The following DSCAM variants were observed in gnomAD, a reference collection of about 807,000 sequenced individuals.
DSCAM encodes the protein DS cell adhesion molecule.
Under a neutral mutation model 217.7 loss-of-function variants are expected in DSCAM, and 47 were observed. The ratio of observed to expected loss-of-function variants is 0.22; its 90% CI spans 0.17 to 0.28. DSCAM has a LOEUF of 0.28. Ranked by LOEUF, DSCAM falls within the 10% of genes least tolerant of loss-of-function variation. The pLI, the probability that DSCAM is intolerant of heterozygous loss-of-function variation, is 1.00. For missense variants in DSCAM, 2,080 were observed against 2,618.3 expected (o/e 0.79, Z 4.49); for synonymous variants, 1,056 against 1,015.3 (o/e 1.04, Z -0.76).
chr21:40,454,256 T>C (rs1486727233), intron 3 of DSCAM, among the ~76,000 whole-genome samples: 2 of 152,188 alleles, frequency 1.3e-5, no homozygotes, highest in African/African-American at 4.8e-5. Context: ...AATGAAGGTG[T>C]CAGAAACTCA....
At chr21:40,313,245 T>A (rs1052891271) in intron 8 of DSCAM, among the ~76,000 whole-genome samples, 8 of 152,252 alleles carry the variant, frequency 5.3e-5, no homozygotes, top group African/African-American at 1.9e-4. Flanking sequence ...CATCTTTACT[T>A]TGCATCTCTT....
intron 3 of DSCAM, among the ~76,000 whole-genome samples, chr21:40,425,403 G>A (rs1459524389): frequency 1.3e-5 from 2 of 152,028 alleles, no homozygotes; most frequent in Non-Finnish European, 2.9e-5. Context: ...TGCGGTGTTT[G>A]GTTGACGAGT....
chr21:40,774,623 C>A (rs939509018), intron 1 of DSCAM, among the ~76,000 whole-genome samples: 1 of 152,176 alleles, frequency 6.6e-6, no homozygotes, highest in Admixed American at 6.5e-5. Context: ...TAAAATTAAT[C>A]TGAATATGTG....
intron 3 of DSCAM, among the ~76,000 whole-genome samples, chr21:40,560,690 G>C (rs1303813176): frequency 6.6e-6 from 1 of 152,160 alleles, no homozygotes; most frequent in East Asian, 1.9e-4. Flanking sequence ...CCTACAGTTG[G>C]GCAAAATCAC....
intron 10 of DSCAM, among the ~76,000 whole-genome samples, chr21:40,288,118 G>A (rs145329073): frequency 2.8e-4 from 42 of 152,260 alleles, no homozygotes; most frequent in African/African-American, 9.1e-4. Context: ...AGCTACATAA[G>A]GACAAGCTCA....
chr21:40,336,584 C>T (rs372311211), intron 8 of DSCAM, among the ~76,000 whole-genome samples: 2 of 152,258 alleles, frequency 1.3e-5, no homozygotes, highest in East Asian at 3.9e-4. Context: ...GTAAAACATT[C>T]CTTCCAAGGG....
At chr21:40,198,182 C>A (rs1172753240) in intron 11 of DSCAM, among the ~76,000 whole-genome samples, 1 of 152,138 alleles carries the variant, frequency 6.6e-6, no homozygotes, top group Non-Finnish European at 1.5e-5. Context: ...GGACCCAGAG[C>A]AAAATGAAAA....
intron 3 of DSCAM, among the ~76,000 whole-genome samples, chr21:40,670,504 C>CT (rs1240013256): frequency 7.6e-6 from 1 of 130,986 alleles, no homozygotes. Context: ...CGCCATTGCA[C>CT]TCCAGCCTGG....
chr21:40,220,458 C>T (rs2091280329), intron 11 of DSCAM, among the ~76,000 whole-genome samples: 1 of 152,130 alleles, frequency 6.6e-6, no homozygotes, highest in Non-Finnish European at 1.5e-5. Flanking sequence ...TAAGAATAAC[C>T]TTAGCCTGGG....
intron 3 of DSCAM, among the ~76,000 whole-genome samples, chr21:40,398,540 C>T (rs1001774411): frequency 7.2e-5 from 11 of 152,162 alleles, no homozygotes; most frequent in Admixed American, 6.5e-4. Flanking sequence ...ACAGTCCCAA[C>T]ACCCTTGCTC....
chr21:40,044,175 G>A lies in DSCAM; in HGVS notation c.5286C>T (p.His1762=). 1 of 1,614,176 alleles carries A rather than the reference G, an allele frequency of 6.2e-7. No individual in the cohort carries two copies. The highest frequency in any genetic ancestry group is 8.5e-7 in the Non-Finnish European group (1 of 1,180,030). ...LNRPHPTISA[H]TLTTDWRLPT... The stretch of plus-strand genomic sequence containing the variant: ...GCAGCCTCCAGTCTGTGGTGAGGGT[G>A]TGTGCTGAGATGGTGGGGTGGGGTC... Residue 1762 remains histidine, a synonymous_variant, in exon 31 of 33, where the codon CAC becomes CAT. Transcript: ENST00000400454.
intron 32 of DSCAM, among the ~76,000 whole-genome samples, chr21:40,017,698 T>C (rs141048405): frequency 0.017 from 2,591 of 152,094 alleles, 92 homozygotes; most frequent in East Asian, 0.16. Context: ...ATTACAGGCA[T>C]GCACCACCAC....
chr21:40,580,322 C>T (rs1405689399), intron 3 of DSCAM, among the ~76,000 whole-genome samples: 2 of 152,026 alleles, frequency 1.3e-5, no homozygotes, highest in Non-Finnish European at 2.9e-5. Flanking sequence ...CACCTGAGGT[C>T]ATGAGTTGAA....
chr21:40,375,252 C>G (rs2074938513), intron 3 of DSCAM, among the ~76,000 whole-genome samples: 1 of 152,226 alleles, frequency 6.6e-6, no homozygotes, highest in Non-Finnish European at 1.5e-5. Flanking sequence ...TCTGTGTCCA[C>G]TTCTGCTTCC....
chr21:40,689,079 G>T (rs1568986385), intron 3 of DSCAM, among the ~76,000 whole-genome samples: 1 of 152,092 alleles, frequency 6.6e-6, no homozygotes, highest in Non-Finnish European at 1.5e-5. Flanking sequence ...GACAAACACT[G>T]CATTTGTGCT....
chr21:40,097,954 A>AAAAAAAAAAAAG (rs1555877400), intron 20 of DSCAM, among the ~76,000 whole-genome samples: 9 of 51,510 alleles, frequency 1.7e-4, no homozygotes, highest in Non-Finnish European at 2.8e-4. Context: ...AAAAAAAAAA[A>AAAAAAAAAAAAG]AAAGAAAGAA....
chr21:40,118,894 T>C (rs1375324654), intron 20 of DSCAM, among the ~76,000 whole-genome samples: 1 of 152,170 alleles, frequency 6.6e-6, no homozygotes, highest in East Asian at 1.9e-4. Context: ...GGGTATGGGT[T>C]TGGAGCGTAC....
chr21:40,187,477 C>T (rs2090907980), intron 13 of DSCAM, among the ~76,000 whole-genome samples: 1 of 152,196 alleles, frequency 6.6e-6, no homozygotes, highest in African/African-American at 2.4e-5. Flanking sequence ...AAGAACTGGA[C>T]CAAGCCTGGA....
intron 8 of DSCAM, among the ~76,000 whole-genome samples, chr21:40,333,420 A>G (rs2074397004): frequency 6.6e-6 from 1 of 152,204 alleles, no homozygotes; most frequent in Non-Finnish European, 1.5e-5. Context: ...GATGGAGTGC[A>G]GTGGTGCTAT....
Sources: gnomAD v4.1 joint callset for allele counts (sites outside exome capture counted in the v4.1 genomes callset) on GRCh38, gnomAD v4.1.1 for gene constraint, MANE v1.5 for transcripts, NCBI Gene and HGNC (gene_info 2026-07-23, HGNC 2026-07-21) for gene names.